Variants in AEN observed in about 807,000 individuals in gnomAD.
The protein encoded by AEN is apoptosis enhancing nuclease, also known as apoptosis-enhancing nuclease.
Under a neutral mutation model 17.7 loss-of-function variants are expected in AEN, and 21 were observed. That is an observed-to-expected ratio of 1.19 (90% confidence interval 0.84 to 1.71). The LOEUF is 1.71. AEN is among the 40% of genes most tolerant of loss of function. The pLI, the probability that AEN is intolerant of heterozygous loss-of-function variation, is 0.00. For missense variants in AEN, 462 were observed against 435.9 expected (o/e 1.06, Z -0.53); for synonymous variants, 190 against 173.0 (o/e 1.10, Z -0.77).
chr15:88,622,136 T>G (rs965707748), intron 1 of AEN, among the ~76,000 whole-genome samples: 5 of 152,108 alleles, frequency 3.3e-5, no homozygotes, highest in Non-Finnish European at 5.9e-5. Context: ...GATTCTGACT[T>G]CTTGGTTCCT....
intron 1 of AEN, among the ~76,000 whole-genome samples, chr15:88,622,634 GAACAA>G (rs2057802430): frequency 6.6e-6 from 1 of 152,120 alleles, no homozygotes; most frequent in South Asian, 2.1e-4. Flanking sequence ...GAACAGAACA[GAACAA>G]GAGATTTCAC....
the AEN span, among the ~76,000 whole-genome samples, chr15:88,608,967 G>T: frequency 2.0e-5 from 3 of 152,120 alleles, no homozygotes; most frequent in Admixed American, 6.5e-5. Flanking sequence ...TGCTGGCATT[G>T]GTCCCCACTT....
Position 88,630,177 on chromosome 15 carries a change from CAG to C in AEN, c.865_866del (p.Glu289ThrfsTer2), listed in dbSNP as rs1203060013. The stretch of plus-strand genomic sequence containing the variant: ...GCAGCCTCTGGACCTGCCCCGAGGA[CAG>C]AGAACCTGACAGCAGCACAGACATG... ...ARSLWTCPEDREPDSSTDMEQ... is the reference protein window; with the variant it reads ...ARSLWTCPEDXEPDSSTDMEQ... On this transcript the variant is annotated frameshift_variant, in exon 4 of 4. Transcript: ENST00000332810. LOFTEE classifies it low-confidence loss of function (END_TRUNC). The surrounding 1 kb of genome is among the most constrained non-coding windows in gnomAD (Gnocchi z 5.1). The C allele has an allele frequency of 1.9e-6, 3 of 1,613,652 alleles. No individual in the cohort carries two copies. The South Asian group carries it at 3.3e-5, about 18-fold the overall frequency.
At chr15:88,615,621 C>T in the AEN span, among the ~76,000 whole-genome samples, 1 of 152,158 alleles carries the variant, frequency 6.6e-6, no homozygotes, top group African/African-American at 2.4e-5. Context: ...TGCTGGGCCC[C>T]ACCCCCTAAT....
chr15:88,623,480 C>G (rs1015604781), intron 1 of AEN, among the ~76,000 whole-genome samples: 12 of 152,204 alleles, frequency 7.9e-5, no homozygotes, highest in African/African-American at 2.7e-4. Flanking sequence ...CTACACCCTT[C>G]TGAAGAGGAC....
the AEN span, among the ~76,000 whole-genome samples, chr15:88,605,529 G>A: frequency 6.6e-6 from 1 of 152,332 alleles, no homozygotes; most frequent in East Asian, 1.9e-4. This position sits in a 1 kb window ranked among gnomAD's most constrained non-coding sequence, Gnocchi z 7.6. Context: ...AAAGTACCAG[G>A]AGACCACTGG....
In AEN at chr15:88,626,822, A is replaced by C. The variant is rs1054461189; in HGVS notation, c.540+73A>C. ...AGAGCCACCCTGGGTTTGAATCACC[A>C]CTTTGCTTCACTGGGGGCAAGAAAC... On this transcript the variant is annotated intron_variant, in intron 2 of 3. Transcript: ENST00000332810. The C allele has an allele frequency of 2.7e-6, 4 of 1,496,264 alleles. No homozygotes were observed. The African/African-American group carries it at 4.1e-5, about 15-fold the overall frequency. 92.7% of individuals were successfully genotyped at this position (1,496,264 alleles called of 1,614,324 possible).
the AEN span, among the ~76,000 whole-genome samples, chr15:88,608,455 T>A: frequency 6.6e-6 from 1 of 152,332 alleles, no homozygotes. Flanking sequence ...TGCAGGTTAT[T>A]GTTACCAGCA....
chr15:88,611,681 C>T, the AEN span: 2 of 290,962 alleles, frequency 6.9e-6, 1 homozygote, highest in South Asian at 5.8e-5. Context: ...ATAATTTCTC[C>T]AGGGAATTCT....
Position 88,626,756 on chromosome 15 carries a change from G to C in AEN, c.540+7G>C. Reference sequence around the variant, plus strand: ...CCAGGTGGCCCAGAAAGAGGTAAGGGCAGGGATGGGGACTTGTTTGGGAGG... The same window carrying C: ...CCAGGTGGCCCAGAAAGAGGTAAGGCCAGGGATGGGGACTTGTTTGGGAGG... On this transcript the variant is annotated splice_region_variant and intron_variant, in intron 2 of 3. Coordinates refer to ENST00000332810, the MANE Select transcript of AEN (RefSeq NM_022767.4). 1.9e-6 allele frequency: 3 copies of C among 1,602,806 alleles called. No individual in the cohort carries two copies. In the African/African-American group the frequency reaches 4.0e-5, roughly 21 times the overall value.
the AEN span, among the ~76,000 whole-genome samples, chr15:88,606,644 G>A: frequency 6.6e-6 from 1 of 152,210 alleles, no homozygotes; most frequent in Non-Finnish European, 1.5e-5. Flanking sequence ...GATAATCAGT[G>A]AGCACCTTGA....
At chr15:88,615,070 C>T in the AEN span, among the ~76,000 whole-genome samples, 3 of 151,556 alleles carry the variant, frequency 2.0e-5, no homozygotes, top group South Asian at 2.1e-4. Flanking sequence ...TTTCACTGTG[C>T]TAGCCAGATG....
upstream of AEN, among the ~76,000 whole-genome samples, chr15:88,617,405 G>T (rs923762523): frequency 2.0e-5 from 3 of 152,020 alleles, no homozygotes. Flanking sequence ...AGGTGCCCAC[G>T]ACCATACCTA....
intron 2 of AEN, chr15:88,627,554 C>T (rs1480433692): frequency 3.3e-5 from 5 of 149,890 alleles, no homozygotes; most frequent in Non-Finnish European, 7.4e-5. Context: ...AAGACCTGAA[C>T]TTGCTTGTGG....
the AEN span, among the ~76,000 whole-genome samples, chr15:88,607,414 T>C: frequency 1.5e-4 from 23 of 152,326 alleles, 1 homozygote; most frequent in South Asian, 4.8e-3. Context: ...TTACTCATAA[T>C]TTTCCAAAGG....
chr15:88,621,570 C>T (rs2057788665), intron 1 of AEN, 188 bp downstream of exon 1: 1 of 152,322 alleles, frequency 6.6e-6, no homozygotes, highest in Admixed American at 6.5e-5. Flanking sequence ...CCTCGCTCTG[C>T]TCGGGGGTCC....
intron 1 of AEN, among the ~76,000 whole-genome samples, chr15:88,624,297 G>A (rs918530677): frequency 2.0e-5 from 3 of 152,140 alleles, no homozygotes; most frequent in Non-Finnish European, 1.5e-5. Context: ...TGGCGGAACA[G>A]TAGCTGAGTC....
At chr15:88,611,334 G>A in the AEN span, among the ~76,000 whole-genome samples, 1 of 150,790 alleles carries the variant, frequency 6.6e-6, no homozygotes, top group Non-Finnish European at 1.5e-5. Context: ...AGTGGCTCAC[G>A]TCTATAATCC....
chr15:88,611,926 G>T, the AEN span: 1 of 501,202 alleles, frequency 2.0e-6, no homozygotes, highest in Non-Finnish European at 4.1e-6. Flanking sequence ...AATGGTGCCA[G>T]CCATCGCAGC....
Sources: allele counts gnomAD v4.1 joint callset (sites outside exome capture counted in the v4.1 genomes callset), GRCh38; gene constraint gnomAD v4.1.1; non-coding constraint Gnocchi (gnomAD v3.1); transcripts MANE v1.5; gene names NCBI Gene and HGNC (gene_info 2026-07-23, HGNC 2026-07-21).